SFXN5: variants seen among roughly 807,000 people sequenced by gnomAD.
SFXN5 encodes the protein sideroflexin 5.
Under a neutral mutation model 50.2 loss-of-function variants are expected in SFXN5, and 43 were observed. That is an observed-to-expected ratio of 0.86 (90% CI 0.67 to 1.11). The LOEUF (loss-of-function observed/expected upper bound fraction) is 1.11, where lower values mean the gene tolerates loss of function less well. SFXN5 is among the 50% of genes least tolerant of loss of function. SFXN5 has a pLI of 0.00. For synonymous variants in SFXN5, 203 were observed against 185.8 expected, an observed-to-expected ratio of 1.09 and a Z score of -0.75; for missense variants, 463 against 454.1, an observed-to-expected ratio of 1.02 and a Z score of -0.18.
intron 13 of SFXN5, among the ~76,000 whole-genome samples, chr2:72,947,065 G>A (rs1672028156): frequency 6.6e-6 from 1 of 152,160 alleles, no homozygotes; most frequent in South Asian, 2.1e-4. Flanking sequence ...TCGTGTCTCA[G>A]CTTTAGACAC....
intron 3 of SFXN5, among the ~76,000 whole-genome samples, chr2:73,032,250 T>G (rs1678405025): frequency 6.6e-6 from 1 of 152,170 alleles, no homozygotes; most frequent in African/African-American, 2.4e-5. Context: ...CATCTCCACT[T>G]TAAACTACAA....
intron 10 of SFXN5, among the ~76,000 whole-genome samples, chr2:72,985,446 T>G (rs1177748300): frequency 1.3e-5 from 2 of 151,560 alleles, no homozygotes; most frequent in East Asian, 2.0e-4. Context: ...GAGTCCCTGG[T>G]GGGAAAGGGC....
At chr2:73,036,796 A>C (rs894379879) in intron 3 of SFXN5, among the ~76,000 whole-genome samples, 3 of 152,184 alleles carry the variant, frequency 2.0e-5, no homozygotes, top group Non-Finnish European at 4.4e-5. Context: ...AGGGCTGGGG[A>C]CTGCTTCGGC....
chr2:73,047,819 T>G (rs903629563), intron 2 of SFXN5, among the ~76,000 whole-genome samples: 2 of 152,180 alleles, frequency 1.3e-5, no homozygotes, highest in South Asian at 4.1e-4. Context: ...TGTGAAATAT[T>G]TATCTAAAGT....
At chr2:73,037,459 T>C (rs1356872418) in intron 3 of SFXN5, among the ~76,000 whole-genome samples, 1 of 151,986 alleles carries the variant, frequency 6.6e-6, no homozygotes, top group Non-Finnish European at 1.5e-5. Flanking sequence ...TAACAGAAGT[T>C]CCAGAATGAG....
intron 3 of SFXN5, among the ~76,000 whole-genome samples, chr2:73,028,804 G>A (rs1677924070): frequency 6.6e-6 from 1 of 152,146 alleles, no homozygotes; most frequent in African/African-American, 2.4e-5. Context: ...AGGAACTAAA[G>A]AACATTTTAA....
At chr2:72,957,222 T>C (rs1218279490) in intron 13 of SFXN5, 14 of 370,342 alleles carry the variant, frequency 3.8e-5, no homozygotes, top group South Asian at 2.6e-4. Context: ...CATCTCTTGA[T>C]GTTCAATGTT....
At chr2:73,045,495 A>C (rs1381789250) in intron 2 of SFXN5, among the ~76,000 whole-genome samples, 1 of 149,230 alleles carries the variant, frequency 6.7e-6, no homozygotes, top group Non-Finnish European at 1.5e-5. Flanking sequence ...CAAAGTAGAG[A>C]GTTTGGGAGC....
intron 10 of SFXN5, among the ~76,000 whole-genome samples, chr2:72,972,845 G>C (rs886811897): frequency 6.6e-6 from 1 of 152,058 alleles, no homozygotes; most frequent in Non-Finnish European, 1.5e-5. Context: ...TGTGAGCCTG[G>C]GAGCGACTGC....
intron 5 of SFXN5, among the ~76,000 whole-genome samples, chr2:73,022,160 G>A (rs948185311): frequency 2.0e-5 from 3 of 152,186 alleles, no homozygotes; most frequent in Admixed American, 6.5e-5. Context: ...GTCACACACC[G>A]GTGAGAGGGG....
chr2:73,007,945 C>A (rs988923130), intron 6 of SFXN5, among the ~76,000 whole-genome samples: 1 of 152,180 alleles, frequency 6.6e-6, no homozygotes, highest in African/African-American at 2.4e-5. Context: ...TGGAGCGACA[C>A]CTCCTGTGTG....
In SFXN5 at chr2:72,996,502, G is replaced by GTT. The variant is rs1183156160; in HGVS notation, c.534+2445_534+2446dup. The GTT allele has an allele frequency of 6.9e-4, 78 of 113,538 alleles. 1 individual carries two copies. The highest frequency in any genetic ancestry group is 2.0e-3 in the East Asian group (7 of 3,578). 7.0% of individuals were successfully genotyped at this position (113,538 alleles called of 1,614,324 possible). A position where few individuals can be genotyped will look rare whatever the true frequency, so the allele number is the denominator to read the frequency against. On this transcript the variant is annotated intron_variant, in intron 9 of 13. Transcript: ENST00000272433. The stretch of plus-strand genomic sequence containing the variant: ...GCTCGGAGCTCTCAGAAAAAGCTGA[G>GTT]TTTTGTTTTTTTTTTTTTTTTTTTG...
rs79559862 is a variant in SFXN5 at position 72,999,480 on chromosome 2, C to A, written c.469-466G>T. Among the ~76,000 whole-genome samples, 489 of 152,058 alleles carry A rather than the reference C, an allele frequency of 3.2e-3. 2 individuals are homozygous for A. Among genetic ancestry groups the A allele is most frequent in the African/African-American group, 0.011 (466 of 41,470 alleles). ...CTCCCATGTCAACAGATGATAGCTG[C>A]CCAATATCTCTAGAGAATAATATAC... On this transcript the variant is annotated intron_variant, in intron 8 of 13. Coordinates refer to ENST00000272433, the MANE Select transcript of SFXN5 (RefSeq NM_144579.3).
intron 3 of SFXN5, among the ~76,000 whole-genome samples, chr2:73,039,243 T>G (rs1412351185): frequency 6.6e-6 from 1 of 152,216 alleles, no homozygotes; most frequent in African/African-American, 2.4e-5. Flanking sequence ...TATCATCTTA[T>G]GGAACCACTG....
chr2:72,981,198 T>C (rs1355959551), intron 10 of SFXN5: 1 of 152,158 alleles, frequency 6.6e-6, no homozygotes, highest in Non-Finnish European at 1.5e-5. Context: ...TTACCACTTA[T>C]CAGAGCTACT....
chr2:73,020,938 C>T (rs564212592), intron 5 of SFXN5: 2 of 152,450 alleles, frequency 1.3e-5, no homozygotes, highest in East Asian at 1.9e-4. Flanking sequence ...AACCTCTAAC[C>T]GTGGCAGCCA....
chr2:73,068,466 A>T (rs1187983298), intron 1 of SFXN5, among the ~76,000 whole-genome samples: 1 of 152,178 alleles, frequency 6.6e-6, no homozygotes, highest in Non-Finnish European at 1.5e-5. Context: ...ATGTCTCAGC[A>T]CTGATGAACC....
intron 9 of SFXN5, chr2:72,994,715 A>G (rs1673003408): frequency 6.6e-6 from 1 of 152,148 alleles, no homozygotes; most frequent in South Asian, 2.1e-4. Context: ...CACCTGCACC[A>G]TCTGCGACAC....
At chr2:73,025,047 TG>T (rs1008681939) in intron 3 of SFXN5, among the ~76,000 whole-genome samples, 1 of 151,742 alleles carries the variant, frequency 6.6e-6, no homozygotes, top group Non-Finnish European at 1.5e-5. Context: ...AAATAATAAT[TG>T]GGGAACAGAG....
Sources: allele counts gnomAD v4.1 joint callset (sites outside exome capture counted in the v4.1 genomes callset), GRCh38; gene constraint gnomAD v4.1.1; transcripts MANE v1.5; gene names NCBI Gene and HGNC (gene_info 2026-07-23, HGNC 2026-07-21).